Variants in ZSWIM5 observed in about 807,000 individuals in gnomAD.
The protein encoded by ZSWIM5 is zinc finger SWIM domain-containing protein 5.
ZSWIM5 carries 55 observed loss-of-function variants against 119.6 expected under a neutral mutation model. That is an observed-to-expected ratio of 0.46 (90% confidence interval 0.37 to 0.58). The LOEUF is 0.58. Ranked by LOEUF, ZSWIM5 falls within the 20% of genes least tolerant of loss-of-function variation. The pLI, the probability that ZSWIM5 is intolerant of heterozygous loss-of-function variation, is 0.00. For synonymous variants in ZSWIM5, 537 were observed against 606.9 expected (o/e 0.88, Z 1.69); for missense variants, 1,193 against 1,512.8 (o/e 0.79, Z 3.51).
chr1:45,204,458 A>C (rs1476784840), intron 1 of ZSWIM5, among the ~76,000 whole-genome samples: 1 of 152,212 alleles, frequency 6.6e-6, no homozygotes, highest in Non-Finnish European at 1.5e-5. Flanking sequence ...TGCTCAAGCC[A>C]CTGTCACTAT....
intron 1 of ZSWIM5, among the ~76,000 whole-genome samples, chr1:45,190,513 A>G (rs963014303): frequency 6.6e-6 from 1 of 152,184 alleles, no homozygotes; most frequent in Non-Finnish European, 1.5e-5. Flanking sequence ...AAAAGAGACC[A>G]AACAATCCTG....
At chr1:45,071,454 CT>C (rs58028758) in intron 2 of ZSWIM5, among the ~76,000 whole-genome samples, 10,642 of 93,538 alleles carry the variant, frequency 0.11, 450 homozygotes, top group Middle Eastern at 0.18. Context: ...GACAGAATCT[CT>C]TTTTTTTTTT....
chr1:45,070,704 A>C (rs907228065), intron 2 of ZSWIM5, among the ~76,000 whole-genome samples: 7 of 152,148 alleles, frequency 4.6e-5, no homozygotes, highest in Non-Finnish European at 1.0e-4. Context: ...AGTATTCCAC[A>C]CTGTTGACCA....
intron 5 of ZSWIM5, among the ~76,000 whole-genome samples, chr1:45,049,768 C>T (rs1418122146): frequency 2.0e-5 from 3 of 152,062 alleles, no homozygotes; most frequent in Non-Finnish European, 4.4e-5. Context: ...GAGCCGAGAT[C>T]GCAGTACTGC....
intron 1 of ZSWIM5, among the ~76,000 whole-genome samples, chr1:45,197,777 C>T (rs927001665): frequency 2.0e-5 from 3 of 152,100 alleles, no homozygotes; most frequent in Admixed American, 6.5e-5. Flanking sequence ...TAGTTTAAGG[C>T]ACTAAAAAGG....
At chr1:45,066,413 TACACATTTTTGTGTGG>T (rs1265312215) in intron 2 of ZSWIM5, among the ~76,000 whole-genome samples, 32 of 152,166 alleles carry the variant, frequency 2.1e-4, no homozygotes, top group Non-Finnish European at 4.1e-4. Context: ...TAATCACATG[TACACATTTTTGTGTGG>T]AAAGGAAGAA....
chr1:45,078,634 C>T (rs1477752642), intron 2 of ZSWIM5, among the ~76,000 whole-genome samples: 2 of 152,178 alleles, frequency 1.3e-5, no homozygotes, highest in Non-Finnish European at 2.9e-5. Flanking sequence ...GAAGCCAGCA[C>T]CAAACTAGGT....
intron 1 of ZSWIM5, among the ~76,000 whole-genome samples, chr1:45,125,196 A>G (rs879491022): frequency 6.6e-6 from 1 of 152,260 alleles, no homozygotes; most frequent in Admixed American, 6.5e-5. Flanking sequence ...TAATGAGGCA[A>G]ATTTCAATGA....
chr1:45,166,120 TG>T (rs1645901014), intron 1 of ZSWIM5, among the ~76,000 whole-genome samples: 1 of 152,128 alleles, frequency 6.6e-6, no homozygotes, highest in Admixed American at 6.6e-5. Flanking sequence ...TTATCCGCCA[TG>T]ATCAAGTGGG....
intron 1 of ZSWIM5, among the ~76,000 whole-genome samples, chr1:45,141,161 C>T (rs895986103): frequency 1.3e-5 from 2 of 152,156 alleles, no homozygotes; most frequent in African/African-American, 2.4e-5. Flanking sequence ...CCAGTAGCAA[C>T]GGGAATCATC....
chr1:45,105,489 A>C (rs1329413459), intron 1 of ZSWIM5, among the ~76,000 whole-genome samples: 21 of 92,922 alleles, frequency 2.3e-4, no homozygotes, highest in South Asian at 3.9e-4. Flanking sequence ...GCCGCCCCGA[A>C]TGGGAAGTGA....
intron 2 of ZSWIM5, among the ~76,000 whole-genome samples, chr1:45,061,084 CA>C (rs1242510340): frequency 6.6e-6 from 1 of 152,134 alleles, no homozygotes; most frequent in Non-Finnish European, 1.5e-5. Context: ...CTCACCTTGA[CA>C]AAACCACTTA....
chr1:45,031,067 G>A (rs953937482), intron 11 of ZSWIM5, among the ~76,000 whole-genome samples: 3 of 151,560 alleles, frequency 2.0e-5, no homozygotes, highest in Non-Finnish European at 4.4e-5. Context: ...CACAGTGCTG[G>A]GATTACAGGC....
intron 1 of ZSWIM5, among the ~76,000 whole-genome samples, chr1:45,131,730 A>G (rs1051175404): frequency 6.6e-6 from 1 of 151,268 alleles, no homozygotes; most frequent in Non-Finnish European, 1.5e-5. Context: ...GTCTCAAAAA[A>G]AAAAAAAAAA....
intron 11 of ZSWIM5, among the ~76,000 whole-genome samples, chr1:45,028,767 TAAAA>T (rs113568588): frequency 6.7e-6 from 1 of 149,524 alleles, no homozygotes; most frequent in African/African-American, 2.5e-5. Flanking sequence ...AAAATAAAAA[TAAAA>T]AAAAATAAAT....
intron 5 of ZSWIM5, among the ~76,000 whole-genome samples, chr1:45,048,033 GTTTCTTTCTTTCTTTCTTTC>G (rs139548010): frequency 7.8e-6 from 1 of 128,226 alleles, no homozygotes; most frequent in East Asian, 2.3e-4. Context: ...TATTATGGTT[GTTTCTTTCTTTCTTTCTTTC>G]TTTCTTTCTT....
rs774101797 is a variant in ZSWIM5 at position 45,019,297 on chromosome 1, G to C, written c.2715C>G (p.Ser905Arg). The change falls in exon 14 of 14, where the codon AGC becomes AGG. Residue 905 changes from serine (S) to arginine (R), a missense_variant. Transcript: ENST00000359600. This position sits in a 1 kb window ranked among gnomAD's most constrained non-coding sequence, Gnocchi z 5.0. ...ATEVGVRALV[S>R]ILQSWYTLFT... ...AGAGTGTGTACCAGCTCTGCAAGAT[G>C]CTCACCAGGGCCCGCACACCTGTCA... The C allele has an allele frequency of 6.2e-7, 1 of 1,611,312 alleles. No homozygotes were observed. The highest frequency in any genetic ancestry group is 8.5e-7 in the Non-Finnish European group (1 of 1,179,542).
chr1:45,036,606 C>T (rs891473750), intron 8 of ZSWIM5, among the ~76,000 whole-genome samples: 6 of 151,712 alleles, frequency 4.0e-5, no homozygotes, highest in Non-Finnish European at 7.4e-5. Context: ...CTGCCTACCT[C>T]GGCCTCCGAA....
Position 45,206,144 on chromosome 1 carries a change from G to T in ZSWIM5, c.207C>A (p.Ala69=). The T allele has an allele frequency of 6.2e-7, 1 of 1,610,600 alleles. No homozygotes were observed. Residue 69 remains alanine (A), a synonymous_variant, in exon 1 of 14, where the codon GCC becomes GCA. Coordinates refer to ENST00000359600, the MANE Select transcript of ZSWIM5 (RefSeq NM_020883.2). ...CCCACTTTTCCGCCACCGTCTTGGC[G>T]GCGCAGTCCAGTAAGGAATCCGGCT... ...HLQPDSLLDC[A]AKTVAEKWAY...
Sources: gnomAD v4.1 joint callset for allele counts (sites outside exome capture counted in the v4.1 genomes callset) on GRCh38, gnomAD v4.1.1 for gene constraint, Gnocchi (gnomAD v3.1) non-coding constraint, MANE v1.5 for transcripts, NCBI Gene and HGNC (gene_info 2026-07-23, HGNC 2026-07-21) for gene names.